RASSF6: variants seen among roughly 807,000 people sequenced by gnomAD.
The protein encoded by RASSF6 is ras association domain-containing protein 6.
In RASSF6, 52 loss-of-function variants were observed where a neutral mutation model predicts 44.0. That is an observed-to-expected ratio of 1.18 (90% CI 0.95 to 1.49). The LOEUF is 1.49. Ranked by LOEUF, RASSF6 falls within the 40% of genes most tolerant of loss-of-function variation. The pLI, the probability that RASSF6 is intolerant of heterozygous loss-of-function variation, is 0.00. For missense variants in RASSF6, 464 were observed against 393.3 expected (o/e 1.18, Z -1.52); for synonymous variants, 162 against 124.6 (o/e 1.30, Z -2.00).
chr4:73,589,902 A>T (rs1724397761), intron 4 of RASSF6, among the ~76,000 whole-genome samples: 3 of 152,092 alleles, frequency 2.0e-5, no homozygotes. Context: ...TCACTTCCCT[A>T]CCCATACTGT....
Position 73,576,430 on chromosome 4 carries a change from C to T in RASSF6, c.918G>A (p.Glu306=). ...LQRLNEEEKR[E]IQRIVTKFNK... is the part of the protein sequence containing the mutation. ...CTTACTTTGTTACTATTCTTTGAAT[C>T]TCTCTTTTCTCTTCTTCATTTAATC... Residue 306 remains glutamate, a synonymous_variant, in exon 10 of 11, where the codon GAG becomes GAA. Transcript: ENST00000307439. The T allele has an allele frequency of 6.4e-7, 1 of 1,572,890 alleles. No homozygotes were observed. Among genetic ancestry groups the T allele is most frequent in the East Asian group, 2.3e-5 (1 of 44,398 alleles).
rs190022899 is a variant in RASSF6, at chr4:73,620,179, C to A, written c.-35+109G>T. 8.3e-5 allele frequency: 51 copies of A among 614,434 alleles called. No homozygotes were observed. The East Asian group carries it at 1.5e-3, about 18-fold the overall frequency. 38.1% of individuals were successfully genotyped at this position (614,434 alleles called of 1,614,324 possible). On this transcript the variant is annotated intron_variant, in intron 1 of 10. Transcript: ENST00000307439. ...GTGTGCGATTCAGGCTGCTATGACA[C>A]ACACACACTTAACTTTGTTGCCTAT...
At chr4:73,620,534 G>C, upstream of RASSF6, 1 of 1,458,064 alleles carries the variant, frequency 6.9e-7, no homozygotes, top group Non-Finnish European at 9.2e-7. Context: ...CCCCCGACGC[G>C]ATCAGCGATC....
In RASSF6 at chr4:73,605,046, G is replaced by A. The variant is rs186531637; in HGVS notation, c.66-6328C>T. ...CTGGGATTATAGGCAGCTGCCACCA[G>A]GCCAGGCTAATTTTCGTATTTTCAG... is the stretch of plus-strand genomic sequence containing the variant. On this transcript the variant is annotated intron_variant, in intron 2 of 10. Transcript: ENST00000307439. 6.6e-5 allele frequency among the ~76,000 whole-genome samples: 10 copies of A among 151,578 alleles called. No individual in the cohort carries two copies. The South Asian group carries it at 8.4e-4, about 13-fold the overall frequency.
intron 2 of RASSF6, 99 bp downstream of exon 2, chr4:73,611,632 T>C (rs1282296251): frequency 1.5e-6 from 1 of 666,170 alleles, no homozygotes; most frequent in Non-Finnish European, 2.6e-6. Flanking sequence ...TTCATATTAT[T>C]GATCTTGTTG....
At position 73,576,496 on chromosome 4, in the gene RASSF6, G is replaced by C. The variant is rs1217557675; in HGVS notation, c.852C>G (p.Tyr284Ter). 1 of 1,576,036 alleles carries C rather than the reference G, an allele frequency of 6.3e-7. No individual in the cohort carries two copies. The highest frequency in any genetic ancestry group is 2.3e-5 in the East Asian group (1 of 44,394). Reference protein sequence around the residue: ...AEEISSDVAQYINFHFSLLES... With the variant: ...AEEISSDVAQ ...CCAAGAGAGAAAAGTGAAAGTTAAT[G>C]TACTGAGCCACCTAAGAAAGAAGAA... Residue 284 changes from tyrosine to a stop codon, truncating the protein, a stop_gained, in exon 10 of 11, where the codon TAC becomes TAG. Transcript: ENST00000307439. LOFTEE classifies it high-confidence loss of function.
chr4:73,611,403 C>T (rs1394420992), intron 2 of RASSF6, among the ~76,000 whole-genome samples: 2 of 151,972 alleles, frequency 1.3e-5, no homozygotes, highest in Admixed American at 1.3e-4. Context: ...TGTTTTTGGC[C>T]CTGGGGTTAA....
rs1003224281 is a variant in RASSF6, at chr4:73,575,450, T to TA, written c.*784dup. 3 of 152,274 alleles carry TA rather than the reference T, an allele frequency of 2.0e-5. No homozygotes were observed. Among genetic ancestry groups the TA allele is most frequent in the African/African-American group, 7.2e-5 (3 of 41,562 alleles). The allele number at this position is 152,274 out of a possible 1,614,324, so 9.4% of individuals were successfully genotyped here. The stretch of plus-strand genomic sequence containing the variant: ...TCCATTGTATTCATTCAGCAACAAA[T>TA]AGGTATTTGTGGGCCAAGTCTTACT... On this transcript the variant is annotated 3_prime_UTR_variant, in exon 11 of 11. Coordinates refer to ENST00000307439, the MANE Select transcript of RASSF6 (RefSeq NM_177532.5).
chr4:73,591,471 C>G (rs1437903698), intron 4 of RASSF6, among the ~76,000 whole-genome samples: 5 of 152,054 alleles, frequency 3.3e-5, no homozygotes, highest in Admixed American at 2.0e-4. Context: ...GCAATGAGGT[C>G]TTAGGTAATA....
intron 7 of RASSF6, 45 bp from the exon 8 acceptor site, chr4:73,581,913 A>G: frequency 1.3e-6 from 2 of 1,509,372 alleles, no homozygotes; most frequent in South Asian, 2.3e-5. Flanking sequence ...TTGTTGTTAT[A>G]TGATGTTTTC....
intron 8 of RASSF6, 48 bp downstream of exon 8, chr4:73,581,769 A>G: frequency 7.6e-7 from 1 of 1,311,734 alleles, no homozygotes; most frequent in Non-Finnish European, 1.1e-6. Flanking sequence ...TGGGCAGCAA[A>G]CTGTAGCACT....
At chr4:73,620,565 A>C (rs897959447), upstream of RASSF6, 1 of 1,238,690 alleles carries the variant, frequency 8.1e-7, no homozygotes. Context: ...AGGAGCTGTT[A>C]ATTATTTCTC....
chr4:73,583,433 T>C (rs1416274258), intron 6 of RASSF6, among the ~76,000 whole-genome samples: 2 of 152,138 alleles, frequency 1.3e-5, no homozygotes, highest in Non-Finnish European at 2.9e-5. Flanking sequence ...GGTCAAGTTA[T>C]ATTCACCATA....
chr4:73,576,580 C>CA, intron 9 of RASSF6, 33 bp downstream of exon 9: 1 of 1,575,448 alleles, frequency 6.3e-7, no homozygotes, highest in Non-Finnish European at 8.7e-7. Flanking sequence ...AGGAGGGAAG[C>CA]AAAAAACAGA....
chr4:73,591,266 T>C (rs1282048603), intron 4 of RASSF6, among the ~76,000 whole-genome samples: 1 of 152,218 alleles, frequency 6.6e-6, no homozygotes, highest in Non-Finnish European at 1.5e-5. Flanking sequence ...AGAATTATTA[T>C]TTGTCAATTA....
At position 73,602,117 on chromosome 4, in the gene RASSF6, G is replaced by C. The variant is rs1240140856; in HGVS notation, c.66-3399C>G. Among the ~76,000 whole-genome samples, 3 of 152,212 alleles carry C rather than the reference G, an allele frequency of 2.0e-5. No individual in the cohort carries two copies. The East Asian group carries it at 5.8e-4, about 29-fold the overall frequency. ...TTCACAGAAAAAAACTCAAGAGTTG[G>C]GATTCCAAGAATGCAACATGTAAAA... On this transcript the variant is annotated intron_variant, in intron 2 of 10. Transcript: ENST00000307439.
intron 2 of RASSF6, among the ~76,000 whole-genome samples, chr4:73,603,034 G>T (rs1039936545): frequency 6.6e-6 from 1 of 152,084 alleles, no homozygotes; most frequent in Non-Finnish European, 1.5e-5. Flanking sequence ...CTTGCAGTGA[G>T]CCCAGATTGC....
At chr4:73,589,657 C>T (rs970929704) in intron 4 of RASSF6, among the ~76,000 whole-genome samples, 1 of 151,876 alleles carries the variant, frequency 6.6e-6, no homozygotes, top group Non-Finnish European at 1.5e-5. Context: ...GAAGCATCAC[C>T]CCATACAACT....
At chr4:73,614,680 A>G (rs1035645838) in intron 1 of RASSF6, among the ~76,000 whole-genome samples, 1 of 152,206 alleles carries the variant, frequency 6.6e-6, no homozygotes, top group Non-Finnish European at 1.5e-5. Context: ...AAGAGGGCAA[A>G]TAATTGCAAT....
Sources: allele counts gnomAD v4.1 joint callset (sites outside exome capture counted in the v4.1 genomes callset), GRCh38; gene constraint gnomAD v4.1.1; transcripts MANE v1.5; gene names NCBI Gene and HGNC (gene_info 2026-07-23, HGNC 2026-07-21).